Variants in ST3GAL2 observed in about 807,000 individuals in gnomAD.
ST3GAL2 encodes ST3 beta-galactoside alpha-2,3-sialyltransferase 2, also known as CMP-N-acetylneuraminate-beta-galactosamide-alpha-2,3-sialyltransferase 2.
A neutral mutation model predicts 37.5 loss-of-function variants in ST3GAL2; 16 were observed. That is an observed-to-expected ratio of 0.43 (90% CI 0.29 to 0.65). The LOEUF (loss-of-function observed/expected upper bound fraction) is 0.65, where lower values mean the gene tolerates loss of function less well. Among genes scored for constraint, ST3GAL2 ranks in the 30% least tolerant of loss-of-function variants. The probability of loss-of-function intolerance (pLI) is 0.17; values close to 1 mark genes in which losing one functional copy is unlikely to be tolerated. For synonymous variants in ST3GAL2, 238 were observed against 202.9 expected, an observed-to-expected ratio of 1.17 and a Z score of -1.47; for missense variants, 383 against 487.8, an observed-to-expected ratio of 0.79 and a Z score of 2.02.
At chr16:70,425,974 T>A (rs1221144329) in intron 1 of ST3GAL2, among the ~76,000 whole-genome samples, 1 of 152,088 alleles carries the variant, frequency 6.6e-6, no homozygotes, top group Non-Finnish European at 1.5e-5. Context: ...TGGGGTGGCC[T>A]GGAGTAAACA....
At chr16:70,408,308 G>C (rs542504323) in intron 1 of ST3GAL2, among the ~76,000 whole-genome samples, 3 of 151,770 alleles carry the variant, frequency 2.0e-5, no homozygotes, top group Admixed American at 6.6e-5. Flanking sequence ...CAAAACATTC[G>C]CTGTGCCCCA....
At chr16:70,406,186 G>A (rs896938222) in intron 1 of ST3GAL2, among the ~76,000 whole-genome samples, 3 of 152,182 alleles carry the variant, frequency 2.0e-5, no homozygotes, top group Non-Finnish European at 2.9e-5. Flanking sequence ...GCTCACCCCT[G>A]TAATCCCAGC....
intron 1 of ST3GAL2, among the ~76,000 whole-genome samples, chr16:70,408,650 C>G (rs1597567852): frequency 6.6e-6 from 1 of 151,964 alleles, no homozygotes; most frequent in Non-Finnish European, 1.5e-5. Context: ...CCCCTCCCTT[C>G]CTGCAGGACA....
intron 1 of ST3GAL2, among the ~76,000 whole-genome samples, chr16:70,427,289 C>T (rs1320809978): frequency 6.6e-6 from 1 of 151,852 alleles, no homozygotes; most frequent in Admixed American, 6.6e-5. Flanking sequence ...TTGCCCCAAA[C>T]CAAACCCATG....
chr16:70,400,502 A>C (rs918265356), intron 1 of ST3GAL2: 18 of 152,276 alleles, frequency 1.2e-4, no homozygotes, highest in African/African-American at 4.3e-4. Context: ...TCCTTGTTGA[A>C]GTCTCCAGCC....
intron 3 of ST3GAL2, among the ~76,000 whole-genome samples, chr16:70,393,989 G>GCTCTTCCTCTTCC (rs2047498749): frequency 6.6e-6 from 1 of 152,182 alleles, no homozygotes. Context: ...CTACCAAGGA[G>GCTCTTCCTCTTCC]TCGGGTAGGA....
At chr16:70,397,419 C>T (rs2047524541) in intron 2 of ST3GAL2, among the ~76,000 whole-genome samples, 1 of 151,742 alleles carries the variant, frequency 6.6e-6, no homozygotes, top group Non-Finnish European at 1.5e-5. Flanking sequence ...GGGCTCTGTT[C>T]TCATGGTATT....
rs2047458605 is a variant in ST3GAL2 at position 70,388,535 on chromosome 16, G to A, written c.545C>T (p.Ala182Val). Reference protein sequence around the residue: ...GHNFIMRMNQAPTVGFEQDVG... With the variant: ...GHNFIMRMNQVPTVGFEQDVG... ...ATCCTGCTCAAAGCCCACGGTTGGC[G>A]CCTGATTCATCCTGCAGGGACAAGA... Residue 182 changes from alanine (A) to valine (V), a missense_variant, in exon 4 of 7, where the codon GCG becomes GTG. Ala to Val is a moderately conservative substitution (Grantham distance 64, BLOSUM62 0). This residue lies in a region of ST3GAL2 where 160 missense variants were observed against 248.6 expected (regional missense o/e 0.64). Transcript: ENST00000342907. The A allele has an allele frequency of 6.3e-7, 1 of 1,593,394 alleles. No homozygotes were observed. The highest frequency in any genetic ancestry group is 8.6e-7 in the Non-Finnish European group (1 of 1,167,996).
intron 4 of ST3GAL2, among the ~76,000 whole-genome samples, chr16:70,384,645 C>T (rs181310959): frequency 8.0e-4 from 113 of 142,102 alleles, no homozygotes; most frequent in Non-Finnish European, 1.2e-3. Flanking sequence ...TCTGAGGTTG[C>T]AGTGAGCCGA....
Position 70,413,560 on chromosome 16 carries a change from CAAAAAAAAAA to C in ST3GAL2, c.-1003-14037_-1003-14028del, listed in dbSNP as rs978301918. Among the ~76,000 whole-genome samples, 40 of 32,084 alleles carry C rather than the reference CAAAAAAAAAA, an allele frequency of 1.2e-3. 1 individual carries two copies. In the South Asian group the frequency reaches 0.04, roughly 32 times the overall value. The allele number at this position is 32,084 out of a possible 152,430, so 21.0% of individuals were successfully genotyped here. On this transcript the variant is annotated intron_variant, in intron 1 of 6. Transcript: ENST00000342907. ...GAGAAACCCGTCTCTATCAAAAATACAAAAAAAAAAAAAAAAAAAAAAAAAATTAGCCAGG... is the reference window on the plus strand; with the variant it reads ...GAGAAACCCGTCTCTATCAAAAATACAAAAAAAAAAAAAAAATTAGCCAGG...
intron 1 of ST3GAL2, among the ~76,000 whole-genome samples, chr16:70,407,628 G>A (rs2047601714): frequency 6.6e-6 from 1 of 152,222 alleles, no homozygotes; most frequent in African/African-American, 2.4e-5. Context: ...CTCAGGAGAT[G>A]CAGCCGAAGG....
intron 1 of ST3GAL2, among the ~76,000 whole-genome samples, chr16:70,408,477 C>T (rs1388900898): frequency 2.0e-5 from 3 of 152,016 alleles, no homozygotes; most frequent in Non-Finnish European, 4.4e-5. Context: ...AGCAGCGAGG[C>T]CTGTCCTTGA....
chr16:70,396,706 T>C (rs79795538), intron 2 of ST3GAL2, among the ~76,000 whole-genome samples: 1,822 of 152,320 alleles, frequency 0.012, 29 homozygotes, highest in African/African-American at 0.041. Flanking sequence ...TGTGACATCA[T>C]TCTGATAAGC....
intron 1 of ST3GAL2, among the ~76,000 whole-genome samples, chr16:70,415,798 G>C (rs920520804): frequency 8.2e-6 from 1 of 121,864 alleles, no homozygotes; most frequent in Non-Finnish European, 1.6e-5. Context: ...CTGAAACAGA[G>C]TCTCAGTCAC....
At chr16:70,382,667 G>T in intron 6 of ST3GAL2, 138 bp downstream of exon 6, 2 of 1,304,310 alleles carry the variant, frequency 1.5e-6, no homozygotes, top group Non-Finnish European at 2.1e-6. Flanking sequence ...ATACTTTACA[G>T]CCTAGAGATG....
intron 1 of ST3GAL2, among the ~76,000 whole-genome samples, chr16:70,431,985 A>ATATATTTTTTTT (rs1454729972): frequency 8.6e-5 from 12 of 139,012 alleles, no homozygotes; most frequent in African/African-American, 3.8e-4. Context: ...ATATATATAT[A>ATATATTTTTTTT]TTTTTTTTTA....
At chr16:70,407,685 C>T (rs2047602122) in intron 1 of ST3GAL2, among the ~76,000 whole-genome samples, 1 of 152,164 alleles carries the variant, frequency 6.6e-6, no homozygotes, top group South Asian at 2.1e-4. Flanking sequence ...AGACCCTCAC[C>T]AGCACGCAGG....
chr16:70,408,145 G>A (rs2047606496), intron 1 of ST3GAL2, among the ~76,000 whole-genome samples: 1 of 152,076 alleles, frequency 6.6e-6, no homozygotes, highest in South Asian at 2.1e-4. Flanking sequence ...TTTAGTATGC[G>A]CAGGAGTCCC....
chr16:70,418,599 G>A (rs1262538285), intron 1 of ST3GAL2, among the ~76,000 whole-genome samples: 1 of 152,136 alleles, frequency 6.6e-6, no homozygotes, highest in Non-Finnish European at 1.5e-5. Context: ...GCAGGACCAC[G>A]CTCCCTGCCA....
Sources: allele counts gnomAD v4.1 joint callset (sites outside exome capture counted in the v4.1 genomes callset), GRCh38; gene constraint gnomAD v4.1.1; regional missense constraint gnomAD v4.1.1; transcripts MANE v1.5; gene names NCBI Gene and HGNC (gene_info 2026-07-23, HGNC 2026-07-21).